Variants in PDE7A observed in about 807,000 individuals in gnomAD.
The protein encoded by PDE7A is high affinity 3',5'-cyclic-AMP phosphodiesterase 7A.
A neutral mutation model predicts 64.3 loss-of-function variants in PDE7A; 39 were observed. The observed-to-expected ratio is 0.61, with a 90% confidence interval of 0.47 to 0.79. The LOEUF is 0.79. Ranked by LOEUF, PDE7A falls within the 30% of genes least tolerant of loss-of-function variation. The probability of loss-of-function intolerance (pLI) is 0.00; values close to 1 mark genes in which losing one functional copy is unlikely to be tolerated. For missense variants in PDE7A, 470 were observed against 582.8 expected (o/e 0.81, Z 1.99); for synonymous variants, 203 against 206.8 (o/e 0.98, Z 0.16).
intron 1 of PDE7A, among the ~76,000 whole-genome samples, chr8:65,796,223 A>G (rs1809839646): frequency 6.6e-6 from 1 of 152,116 alleles, no homozygotes; most frequent in South Asian, 2.1e-4. Context: ...TGTAAAAGAT[A>G]GCAAACATAC....
chr8:65,823,853 C>T (rs1810601350), intron 1 of PDE7A, among the ~76,000 whole-genome samples: 1 of 152,022 alleles, frequency 6.6e-6, no homozygotes, highest in South Asian at 2.1e-4. Flanking sequence ...CAACTAAAGA[C>T]TTACTAGTTA....
chr8:65,793,103 T>G lies in PDE7A; in HGVS notation c.139-10260A>C, dbSNP rs538188934. On this transcript the variant is annotated intron_variant, in intron 1 of 12. Coordinates refer to ENST00000401827, the MANE Select transcript of PDE7A (RefSeq NM_001242318.3). ...CTTAGAAAGTCTCTGGTGACATTCT[T>G]AAGAACCAAACAGAGCCCCATGCTA... Among the ~76,000 whole-genome samples, 42 of 152,264 alleles carry G rather than the reference T, an allele frequency of 2.8e-4. 1 individual carries two copies. The South Asian group carries it at 8.1e-3, about 29-fold the overall frequency.
At chr8:65,723,916 T>C (rs1296075140) in intron 11 of PDE7A, among the ~76,000 whole-genome samples, 2 of 152,168 alleles carry the variant, frequency 1.3e-5, no homozygotes. Flanking sequence ...ATCCGGGTTT[T>C]AAATTACACA....
rs550601480 is a variant in PDE7A at position 65,773,150 on chromosome 8, G to C, written c.283+6570C>G. Among the ~76,000 whole-genome samples, 8 of 152,284 alleles carry C rather than the reference G, an allele frequency of 5.3e-5. No individual in the cohort carries two copies. The South Asian group carries it at 1.7e-3, about 32-fold the overall frequency. The stretch of plus-strand genomic sequence containing the variant: ...CAGATTTTAGTCATAGCAGGAGCAC[G>C]TGCTCATTTCTCTGATTAGATCACA... On this transcript the variant is annotated intron_variant, in intron 3 of 12. Transcript: ENST00000401827.
At chr8:65,721,462 G>A (rs1053010766) in intron 12 of PDE7A, among the ~76,000 whole-genome samples, 1 of 152,208 alleles carries the variant, frequency 6.6e-6, no homozygotes. Flanking sequence ...GCATGAAGTG[G>A]GCAAACCATC....
chr8:65,838,657 T>G (rs1025309473), intron 1 of PDE7A: 1 of 152,244 alleles, frequency 6.6e-6, no homozygotes, highest in African/African-American at 2.4e-5. Flanking sequence ...TTATTCTGAC[T>G]AAAAATTATT....
rs137960274 is a variant in PDE7A, at chr8:65,807,917, G to C, written c.139-25074C>G. 3.6e-3 allele frequency among the ~76,000 whole-genome samples: 546 copies of C among 152,210 alleles called. 2 individuals carry two copies. Among genetic ancestry groups the C allele is most frequent in the African/African-American group, 0.012 (517 of 41,534 alleles). On this transcript the variant is annotated intron_variant, in intron 1 of 12. Transcript: ENST00000401827. ...GAGCCACTAAACCCTGGGTCTTCTA[G>C]GTAAATCTTATTGTATACAAGAATT...
At chr8:65,804,442 T>C (rs899973650) in intron 1 of PDE7A, among the ~76,000 whole-genome samples, 1 of 151,884 alleles carries the variant, frequency 6.6e-6, no homozygotes, top group African/African-American at 2.4e-5. Context: ...AATTCAGTCA[T>C]ATTTGGACAC....
At chr8:65,734,076 C>G (rs903941809) in intron 7 of PDE7A, among the ~76,000 whole-genome samples, 62 of 152,152 alleles carry the variant, frequency 4.1e-4, no homozygotes, top group African/African-American at 1.5e-3. Flanking sequence ...TAACTCTATA[C>G]TAGACCTCTA....
intron 3 of PDE7A, among the ~76,000 whole-genome samples, chr8:65,759,379 G>C (rs572796359): frequency 1.3e-5 from 2 of 152,312 alleles, no homozygotes; most frequent in South Asian, 4.1e-4. Context: ...AGTCCCTCAG[G>C]GATCCGCCAG....
At chr8:65,728,871 G>A (rs887002419) in intron 7 of PDE7A, among the ~76,000 whole-genome samples, 17 of 152,122 alleles carry the variant, frequency 1.1e-4, no homozygotes, top group Non-Finnish European at 2.2e-4. Flanking sequence ...ATATTAAAGA[G>A]TTAACCATTA....
chr8:65,783,931 G>C (rs985908526), intron 1 of PDE7A, among the ~76,000 whole-genome samples: 1 of 152,142 alleles, frequency 6.6e-6, no homozygotes, highest in African/African-American at 2.4e-5. Flanking sequence ...TGTGGAGGCA[G>C]GGTTTTCAGT....
intron 3 of PDE7A, among the ~76,000 whole-genome samples, chr8:65,757,065 C>T (rs537381528): frequency 6.6e-6 from 1 of 152,144 alleles, no homozygotes; most frequent in Non-Finnish European, 1.5e-5. Context: ...TCCCTGAATG[C>T]GGTCCTCTTG....
At chr8:65,732,002 T>C (rs1475752049) in intron 7 of PDE7A, among the ~76,000 whole-genome samples, 1 of 151,874 alleles carries the variant, frequency 6.6e-6, no homozygotes, top group Non-Finnish European at 1.5e-5. Flanking sequence ...GTTGTTGTTG[T>C]TGTTGTTGTT....
At chr8:65,721,636 T>C (rs1251292085) in intron 12 of PDE7A, among the ~76,000 whole-genome samples, 1 of 152,160 alleles carries the variant, frequency 6.6e-6, no homozygotes, top group Non-Finnish European at 1.5e-5. Flanking sequence ...GAAAGGGATC[T>C]AGCTTCTGTT....
rs560080589 is a variant in PDE7A, at chr8:65,725,857, CTT to C, written c.921-938_921-937del. Among the ~76,000 whole-genome samples the C allele has an allele frequency of 1.6e-3, 237 of 152,200 alleles. 1 individual carries two copies. The highest frequency in any genetic ancestry group is 2.9e-3 in the Non-Finnish European group (195 of 67,958). ...TAATGAAGCAAACATTTTAATCTGT[CTT>C]AATTTTAAGAACCCATAATTTACAT... On this transcript the variant is annotated intron_variant, in intron 9 of 12. Coordinates refer to ENST00000401827, the MANE Select transcript of PDE7A (RefSeq NM_001242318.3).
chr8:65,784,092 C>T, intron 1 of PDE7A, among the ~76,000 whole-genome samples: 1 of 151,952 alleles, frequency 6.6e-6, no homozygotes, highest in East Asian at 1.9e-4. Flanking sequence ...ACCTGTAATC[C>T]CAGATACTTG....
intron 12 of PDE7A, 98 bp from the exon 13 acceptor site, chr8:65,719,593 G>GT: frequency 2.7e-6 from 2 of 748,310 alleles, no homozygotes; most frequent in Non-Finnish European, 4.6e-6. Flanking sequence ...TCCTACTCCA[G>GT]TATTACCCAG....
intron 4 of PDE7A, among the ~76,000 whole-genome samples, chr8:65,746,781 T>C (rs1164893309): frequency 2.0e-5 from 3 of 152,154 alleles, no homozygotes; most frequent in African/African-American, 7.2e-5. Context: ...TTTTAACATT[T>C]AAAGCAGGCA....
Sources: allele counts gnomAD v4.1 joint callset (sites outside exome capture counted in the v4.1 genomes callset), GRCh38; gene constraint gnomAD v4.1.1; transcripts MANE v1.5; gene names NCBI Gene and HGNC (gene_info 2026-07-23, HGNC 2026-07-21).